The following DDC variants were observed in gnomAD, a reference collection of about 807,000 sequenced individuals.
DDC encodes the protein dopa decarboxylase, also known as aromatic-L-amino-acid decarboxylase.
In DDC, 43 loss-of-function variants were observed where a neutral mutation model predicts 60.0. The observed-to-expected ratio is 0.72, with a 90% CI of 0.56 to 0.92. DDC has a LOEUF of 0.92. DDC is among the 40% of genes least tolerant of loss of function. The pLI, the probability that DDC is intolerant of heterozygous loss-of-function variation, is 0.00. For missense variants in DDC, 573 were observed against 620.2 expected, an observed-to-expected ratio of 0.92 and a Z score of 0.81; for synonymous variants, 232 against 234.6, an observed-to-expected ratio of 0.99 and a Z score of 0.10.
In DDC at chr7:50,493,049, T is replaced by C. The variant is rs757162237; in HGVS notation, c.944+2301A>G. On this transcript the variant is annotated intron_variant, in intron 9 of 14. Coordinates refer to ENST00000444124, the MANE Select transcript of DDC (RefSeq NM_001082971.2). ...ATTCATTACACTCCTTCTTATCGTG[T>C]GTCAATATTTGCCTCCAAGATTAGG... The C allele has an allele frequency of 9.3e-6, 14 of 1,507,436 alleles. 1 individual carries two copies. The highest frequency in any genetic ancestry group is 1.1e-5 in the Non-Finnish European group (12 of 1,101,812). 93.4% of individuals were successfully genotyped at this position (1,507,436 alleles called of 1,614,324 possible). A position where few individuals can be genotyped will look rare whatever the true frequency, so the allele number is the denominator to read the frequency against.
chr7:50,563,346 C>T (rs879770902), intron 1 of DDC, among the ~76,000 whole-genome samples: 1 of 152,000 alleles, frequency 6.6e-6, no homozygotes, highest in Non-Finnish European at 1.5e-5. Context: ...AGTGTATTTT[C>T]TAATTTTTAG....
At chr7:50,552,409 G>A (rs1390645236) in intron 1 of DDC, among the ~76,000 whole-genome samples, 2 of 152,140 alleles carry the variant, frequency 1.3e-5, no homozygotes, top group African/African-American at 2.4e-5. Flanking sequence ...TCCATGCTGC[G>A]CTATTCTCCA....
At chr7:50,508,001 C>G (rs1201938042) in intron 6 of DDC, among the ~76,000 whole-genome samples, 1 of 152,236 alleles carries the variant, frequency 6.6e-6, no homozygotes, top group Admixed American at 6.5e-5. Flanking sequence ...TTGGTTAGCT[C>G]TTGTTGTCCT....
chr7:50,513,572 C>G (rs909619400), intron 6 of DDC, among the ~76,000 whole-genome samples: 5 of 152,120 alleles, frequency 3.3e-5, no homozygotes, highest in African/African-American at 1.2e-4. Context: ...AGTAGGTAGC[C>G]TGGGGCAAGT....
chr7:50,552,188 G>A (rs892644964), intron 1 of DDC, among the ~76,000 whole-genome samples: 2 of 152,196 alleles, frequency 1.3e-5, no homozygotes, highest in Admixed American at 1.3e-4. Flanking sequence ...TTAGCATGAA[G>A]CCACAGAGAA....
intron 1 of DDC, among the ~76,000 whole-genome samples, chr7:50,554,646 G>C (rs946717343): frequency 1.3e-5 from 2 of 152,166 alleles, no homozygotes; most frequent in African/African-American, 4.8e-5. Flanking sequence ...TCTTTGATGA[G>C]ATAACAGTCA....
At chr7:50,521,695 G>C (rs900448642) in intron 6 of DDC, among the ~76,000 whole-genome samples, 2 of 152,160 alleles carry the variant, frequency 1.3e-5, no homozygotes, top group African/African-American at 4.8e-5. Flanking sequence ...AAAAGTGTTT[G>C]ACAAAATTCA....
Position 50,495,382 on chromosome 7 carries a change from C to A in DDC, c.912G>T (p.Trp304Cys), listed in dbSNP as rs763607783. The change falls in exon 9 of 15, where the codon TGG (tryptophan) becomes TGT (cysteine). Residue 304 changes from tryptophan to cysteine, a missense_variant. Trp to Cys is a radical substitution (Grantham distance 215). Coordinates refer to ENST00000444124, the MANE Select transcript of DDC (RefSeq NM_001082971.2). ...ADSFNFNPHKWLLVNFDCSAM... is the reference protein window; with the variant it reads ...ADSFNFNPHKCLLVNFDCSAM... ...CAGAACAGTCAAAATTCACCAATAG[C>A]CATTTGTGGGGATTAAAGTTGAATG... 2 of 1,613,060 alleles carry A rather than the reference C, an allele frequency of 1.2e-6. No individual in the cohort carries two copies. Among genetic ancestry groups the A allele is most frequent in the Non-Finnish European group, 1.7e-6 (2 of 1,179,646 alleles).
chr7:50,492,881 C>A, intron 9 of DDC: 1 of 1,585,728 alleles, frequency 6.3e-7, no homozygotes, highest in Non-Finnish European at 8.5e-7. Context: ...GCAGCGTCTG[C>A]GGCAGCCTCG....
chr7:50,464,122 T>C (rs2042344408), intron 13 of DDC, among the ~76,000 whole-genome samples: 1 of 151,934 alleles, frequency 6.6e-6, no homozygotes, highest in African/African-American at 2.4e-5. Context: ...AGGCAGTGAC[T>C]CCATGTCTTC....
chr7:50,505,961 C>T (rs1010570109), intron 6 of DDC, among the ~76,000 whole-genome samples: 1 of 152,206 alleles, frequency 6.6e-6, no homozygotes, highest in Non-Finnish European at 1.5e-5. Context: ...CCTCACAGTC[C>T]CCAAGGGGAG....
At chr7:50,462,790 G>GA (rs200827891) in intron 14 of DDC, among the ~76,000 whole-genome samples, 4,700 of 52,462 alleles carry the variant, frequency 0.09, 301 homozygotes, top group African/African-American at 0.25. Context: ...TTTTTTTTTT[G>GA]GACTGAGTCC....
chr7:50,551,389 C>T (rs1037334758), intron 1 of DDC, among the ~76,000 whole-genome samples: 2 of 152,008 alleles, frequency 1.3e-5, no homozygotes, highest in Non-Finnish European at 2.9e-5. Context: ...TGCCACCATG[C>T]CCGGCTATTT....
chr7:50,521,049 A>G (rs1364769778), intron 6 of DDC, among the ~76,000 whole-genome samples: 1 of 152,050 alleles, frequency 6.6e-6, no homozygotes, highest in Non-Finnish European at 1.5e-5. Context: ...TGAAATGATA[A>G]ATAAATTTTC....
At chr7:50,480,250 T>G (rs1001799947) in intron 9 of DDC, among the ~76,000 whole-genome samples, 5 of 152,114 alleles carry the variant, frequency 3.3e-5, no homozygotes, top group African/African-American at 9.7e-5. Context: ...GAAACTCCGT[T>G]AAAAACTCCT....
At chr7:50,503,398 T>C (rs2043305512) in intron 7 of DDC, among the ~76,000 whole-genome samples, 1 of 152,212 alleles carries the variant, frequency 6.6e-6, no homozygotes, top group African/African-American at 2.4e-5. Flanking sequence ...ATTCACCTTT[T>C]GAAAACACAG....
intron 1 of DDC, among the ~76,000 whole-genome samples, chr7:50,556,688 C>G (rs2045199224): frequency 1.3e-5 from 2 of 152,204 alleles, no homozygotes; most frequent in South Asian, 4.1e-4. Flanking sequence ...AGTTTCTGTC[C>G]AGAAAGGAAC....
intron 1 of DDC, among the ~76,000 whole-genome samples, chr7:50,557,727 A>G (rs1315178206): frequency 6.6e-6 from 1 of 152,208 alleles, no homozygotes; most frequent in Non-Finnish European, 1.5e-5. Context: ...CACCATCACC[A>G]TATAGGTCGC....
intron 9 of DDC, among the ~76,000 whole-genome samples, chr7:50,494,647 G>T (rs1344656013): frequency 1.3e-5 from 2 of 151,428 alleles, no homozygotes; most frequent in Non-Finnish European, 2.9e-5. Context: ...AGGAAACATG[G>T]TTACTATTAT....
Sources: allele counts gnomAD v4.1 joint callset (sites outside exome capture counted in the v4.1 genomes callset), GRCh38; gene constraint gnomAD v4.1.1; transcripts MANE v1.5; gene names NCBI Gene and HGNC (gene_info 2026-07-23, HGNC 2026-07-21).